Variants in PLA2G4C observed in about 807,000 individuals in gnomAD.
PLA2G4C encodes the protein cytosolic phospholipase A2 gamma.
PLA2G4C carries 64 observed loss-of-function variants against 73.8 expected under a neutral mutation model. The ratio of observed to expected loss-of-function variants is 0.87; its 90% CI spans 0.71 to 1.07. The LOEUF (loss-of-function observed/expected upper bound fraction) is 1.07. Among genes scored for constraint, PLA2G4C ranks in the 50% least tolerant of loss-of-function variants. The pLI is 0.00. For synonymous variants in PLA2G4C, 254 were observed against 252.1 expected (o/e 1.01, Z -0.07); for missense variants, 622 against 665.4 (o/e 0.93, Z 0.72).
At chr19:48,110,460 A>G in intron 1 of PLA2G4C, 27 bp downstream of exon 1, 1 of 1,469,414 alleles carries the variant, frequency 6.8e-7, no homozygotes, top group Non-Finnish European at 8.9e-7. Context: ...GCGGGATGAA[A>G]CAGCCCTCCC....
At chr19:48,049,610 T>G (rs1303776866) in intron 16 of PLA2G4C, among the ~76,000 whole-genome samples, 1 of 152,164 alleles carries the variant, frequency 6.6e-6, no homozygotes, top group Non-Finnish European at 1.5e-5. Flanking sequence ...AGGAAATGTT[T>G]GTGGAATCAA....
intron 10 of PLA2G4C, among the ~76,000 whole-genome samples, chr19:48,078,646 A>G (rs910838231): frequency 1.3e-5 from 2 of 152,220 alleles, no homozygotes; most frequent in African/African-American, 4.8e-5. Flanking sequence ...TAAAATACTC[A>G]GGAATATACC....
intron 9 of PLA2G4C, 42 bp downstream of exon 9, chr19:48,088,644 C>T (rs1171265545): frequency 2.0e-6 from 3 of 1,480,550 alleles, no homozygotes; most frequent in Non-Finnish European, 1.9e-6. Context: ...AGTGTGCGGT[C>T]CCCATTATCA....
chr19:48,073,685 G>C (rs913408552), intron 12 of PLA2G4C, among the ~76,000 whole-genome samples: 1 of 152,052 alleles, frequency 6.6e-6, no homozygotes, highest in Non-Finnish European at 1.5e-5. Context: ...TACAGGAAGC[G>C]TGGTGCTGGC....
chr19:48,098,336 A>T lies in PLA2G4C; in HGVS notation c.448-77T>A, dbSNP rs1426779364. On this transcript the variant is annotated intron_variant, in intron 5 of 16. Transcript: ENST00000599921. Reference sequence around the variant, plus strand: ...GGTGGAACCTCTGCACGTAGGCCACATTTTTTTTTAGAGGGGTCTCAGTCT... The same window carrying T: ...GGTGGAACCTCTGCACGTAGGCCACTTTTTTTTTTAGAGGGGTCTCAGTCT... The T allele has an allele frequency of 8.7e-6, 10 of 1,146,810 alleles. No homozygotes were observed. In the African/African-American group the frequency reaches 1.0e-4, roughly 12 times the overall value. The allele number at this position is 1,146,810 out of a possible 1,614,324, so 71.0% of individuals were successfully genotyped here.
chr19:48,071,181 A>C (rs901481140), intron 12 of PLA2G4C, among the ~76,000 whole-genome samples: 6 of 152,240 alleles, frequency 3.9e-5, no homozygotes, highest in African/African-American at 1.4e-4. Context: ...AATAAATATT[A>C]ACTTCTACAA....
chr19:48,101,126 ATTT>A (rs544287174), intron 4 of PLA2G4C, among the ~76,000 whole-genome samples: 64 of 74,118 alleles, frequency 8.6e-4, no homozygotes, highest in Middle Eastern at 6.8e-3. Flanking sequence ...ATATATATAT[ATTT>A]TTTTTTTTTT....
At chr19:48,106,786 AT>A (rs1399582805) in intron 1 of PLA2G4C, 9 of 558,238 alleles carry the variant, frequency 1.6e-5, no homozygotes, top group Non-Finnish European at 2.6e-5. Context: ...CTCTCTGAAA[AT>A]TTGGAGGCTA....
At chr19:48,099,923 A>G (rs888131369) in intron 4 of PLA2G4C, 63 bp from the exon 5 acceptor site, 58 of 1,210,112 alleles carry the variant, frequency 4.8e-5, no homozygotes, top group South Asian at 5.3e-5. Context: ...GACTGGGGAA[A>G]GATGTGTGCA....
intron 11 of PLA2G4C, among the ~76,000 whole-genome samples, chr19:48,076,541 G>A (rs1323170133): frequency 6.6e-6 from 1 of 152,094 alleles, no homozygotes; most frequent in Non-Finnish European, 1.5e-5. Flanking sequence ...TCAGGAGTTC[G>A]AGAGTAGCCT....
intron 6 of PLA2G4C, among the ~76,000 whole-genome samples, chr19:48,097,504 G>A (rs1375069275): frequency 2.6e-5 from 4 of 151,632 alleles, no homozygotes; most frequent in African/African-American, 4.8e-5. Context: ...CACCCGCCTC[G>A]GCCTCCCAAA....
chr19:48,078,533 A>G (rs2030321834), intron 10 of PLA2G4C, among the ~76,000 whole-genome samples: 1 of 152,214 alleles, frequency 6.6e-6, no homozygotes, highest in Non-Finnish European at 1.5e-5. Context: ...AGGATACAAA[A>G]TCAATGTACA....
intron 16 of PLA2G4C, among the ~76,000 whole-genome samples, chr19:48,049,428 G>A (rs528516930): frequency 2.6e-5 from 4 of 152,146 alleles, no homozygotes; most frequent in South Asian, 2.1e-4. Flanking sequence ...CCGCACGTTC[G>A]GTCGTCTCCA....
intron 11 of PLA2G4C, among the ~76,000 whole-genome samples, chr19:48,075,222 T>C (rs2030067589): frequency 1.3e-5 from 2 of 151,560 alleles, no homozygotes; most frequent in African/African-American, 4.9e-5. Context: ...ATTGCTCTGT[T>C]GCCCAGGCTG....
At chr19:48,050,926 T>C (rs1346105462) in intron 16 of PLA2G4C, among the ~76,000 whole-genome samples, 1 of 151,892 alleles carries the variant, frequency 6.6e-6, no homozygotes, top group African/African-American at 2.4e-5. Flanking sequence ...CTGCCTGCCT[T>C]AGCCTCCCAA....
At chr19:48,065,005 T>C (rs1315692793) in intron 13 of PLA2G4C, 1 of 152,158 alleles carries the variant, frequency 6.6e-6, no homozygotes, top group East Asian at 1.9e-4. Context: ...CCTCTGGGAA[T>C]GGTTCCTCTT....
At chr19:48,086,727 T>C (rs1377259405) in intron 9 of PLA2G4C, among the ~76,000 whole-genome samples, 1 of 152,052 alleles carries the variant, frequency 6.6e-6, no homozygotes, top group African/African-American at 2.4e-5. Flanking sequence ...CCTGGTAGGA[T>C]AACACTGGGC....
intron 16 of PLA2G4C, among the ~76,000 whole-genome samples, chr19:48,049,591 C>T (rs897699727): frequency 6.6e-6 from 1 of 152,186 alleles, no homozygotes; most frequent in Non-Finnish European, 1.5e-5. Context: ...CTGGATCTAG[C>T]AGGCATCCAG....
chr19:48,066,827 G>C (rs1196974604), intron 13 of PLA2G4C, among the ~76,000 whole-genome samples: 4 of 151,976 alleles, frequency 2.6e-5, no homozygotes, highest in Admixed American at 1.3e-4. Flanking sequence ...AAATTAGCCA[G>C]GCATGGTGCT....
Sources: gnomAD v4.1 joint callset for allele counts (sites outside exome capture counted in the v4.1 genomes callset) on GRCh38, gnomAD v4.1.1 for gene constraint, MANE v1.5 for transcripts, NCBI Gene and HGNC (gene_info 2026-07-23, HGNC 2026-07-21) for gene names.